The following KLHL32 variants were observed in gnomAD, a reference collection of about 807,000 sequenced individuals.
KLHL32 encodes the protein kelch-like protein 32.
In KLHL32, 35 loss-of-function variants were observed where a neutral mutation model predicts 64.8. The ratio of observed to expected loss-of-function variants is 0.54; its 90% CI spans 0.41 to 0.72. The LOEUF is 0.72. Among genes scored for constraint, KLHL32 ranks in the 30% least tolerant of loss-of-function variants. The probability of loss-of-function intolerance (pLI) is 0.00; values close to 1 mark genes in which losing one functional copy is unlikely to be tolerated. For missense variants in KLHL32, 589 were observed against 768.5 expected (o/e 0.77, Z 2.76); for synonymous variants, 259 against 281.0 (o/e 0.92, Z 0.78).
chr6:97,043,800 A>G (rs1737650), intron 4 of KLHL32, among the ~76,000 whole-genome samples: 17,766 of 151,982 alleles, frequency 0.12, 1,108 homozygotes, highest in African/African-American at 0.15. Context: ...CTGATGACTA[A>G]TGATGATGAA....
chr6:96,990,560 A>AG lies in KLHL32; in HGVS notation c.204+14383_204+14384insG, dbSNP rs1444291427. Among the ~76,000 whole-genome samples, 5 of 152,296 alleles carry AG rather than the reference A, an allele frequency of 3.3e-5. No homozygotes were observed. In the East Asian group the frequency reaches 7.7e-4, roughly 24 times the overall value. ...TTGGATTGGCACTCCCAGGGTGCAC[A>AG]CTGCAGCTCTGGGGTGAGCTCAGGC... On this transcript the variant is annotated intron_variant, in intron 3 of 10. Transcript: ENST00000369261.
intron 7 of KLHL32, among the ~76,000 whole-genome samples, chr6:97,115,221 G>T (rs1451460280): frequency 1.3e-5 from 2 of 152,122 alleles, no homozygotes; most frequent in African/African-American, 4.8e-5. Context: ...TCACTACATT[G>T]CCCAGGCTGC....
At chr6:97,097,140 A>G (rs1425901039) in intron 6 of KLHL32, among the ~76,000 whole-genome samples, 1 of 152,176 alleles carries the variant, frequency 6.6e-6, no homozygotes, top group Non-Finnish European at 1.5e-5. Context: ...CGCAAATTTA[A>G]GAGTAATTTC....
chr6:97,103,821 C>G (rs563875076), intron 6 of KLHL32, among the ~76,000 whole-genome samples: 2 of 152,322 alleles, frequency 1.3e-5, no homozygotes, highest in African/African-American at 4.8e-5. Context: ...ACTCTCTGTG[C>G]TACAGAAACC....
intron 3 of KLHL32, among the ~76,000 whole-genome samples, chr6:96,977,853 TA>T (rs1775878955): frequency 6.6e-6 from 1 of 152,182 alleles, no homozygotes; most frequent in African/African-American, 2.4e-5. Flanking sequence ...GTTTCTGAAA[TA>T]AAAAGTAGGG....
chr6:96,994,524 A>G, intron 3 of KLHL32: 1 of 985,382 alleles, frequency 1.0e-6, no homozygotes, highest in Non-Finnish European at 1.2e-6. Context: ...TTGAAGCTCA[A>G]GTAATTGTTG....
intron 2 of KLHL32, among the ~76,000 whole-genome samples, chr6:96,969,379 A>G (rs757444186): frequency 9.9e-5 from 15 of 152,052 alleles, no homozygotes; most frequent in Non-Finnish European, 1.8e-4. Context: ...GCTACTTTCT[A>G]CCAACCCATC....
chr6:96,974,705 T>C (rs73494829), intron 2 of KLHL32, among the ~76,000 whole-genome samples: 147 of 152,372 alleles, frequency 9.6e-4, no homozygotes, highest in African/African-American at 3.5e-3. Flanking sequence ...AATTTTAAGA[T>C]GGTGATTTGT....
intron 8 of KLHL32, 28 bp from the exon 9 acceptor site, chr6:97,130,729 C>T: frequency 2.5e-6 from 4 of 1,582,922 alleles, no homozygotes; most frequent in Non-Finnish European, 3.4e-6. Context: ...CTCCTACTAA[C>T]AGAATACACT....
intron 5 of KLHL32, among the ~76,000 whole-genome samples, chr6:97,073,362 T>A (rs1933464): frequency 6.6e-6 from 1 of 152,172 alleles, no homozygotes; most frequent in African/African-American, 2.4e-5. Flanking sequence ...GTCACTTTCT[T>A]TCTGCCTCTG....
chr6:96,962,477 C>A (rs1052966303), intron 1 of KLHL32, among the ~76,000 whole-genome samples: 26 of 152,168 alleles, frequency 1.7e-4, no homozygotes, highest in Non-Finnish European at 7.3e-5. Flanking sequence ...TGAGTCTTCA[C>A]CAGCTGTAAA....
chr6:96,980,644 G>C (rs1198321993), intron 3 of KLHL32, among the ~76,000 whole-genome samples: 2 of 152,098 alleles, frequency 1.3e-5, no homozygotes, highest in Non-Finnish European at 2.9e-5. Flanking sequence ...GTCTCTGCCA[G>C]GTTTTGGTAT....
chr6:96,974,179 A>C (rs1314406591), intron 2 of KLHL32, among the ~76,000 whole-genome samples: 1 of 152,188 alleles, frequency 6.6e-6, no homozygotes, highest in Non-Finnish European at 1.5e-5. Context: ...TGCAGATTAC[A>C]TGAACTAGTC....
chr6:97,071,634 T>C (rs1242710015), intron 5 of KLHL32, among the ~76,000 whole-genome samples: 1 of 152,096 alleles, frequency 6.6e-6, no homozygotes, highest in Non-Finnish European at 1.5e-5. Flanking sequence ...TTCCTCCTCA[T>C]CCTCCCTGTC....
rs79295179 is a variant in KLHL32, at chr6:96,991,240, G to A, written c.204+15063G>A. On this transcript the variant is annotated intron_variant, in intron 3 of 10. Coordinates refer to ENST00000369261, the MANE Select transcript of KLHL32 (RefSeq NM_052904.4). ...GTTGCCTCTGGGAGCCCCTCCCAGG[G>A]AAACTTAGAGCCACTAGCAGTGGAA... is the stretch of plus-strand genomic sequence containing the variant. 6.9e-3 allele frequency among the ~76,000 whole-genome samples: 1,045 copies of A among 152,132 alleles called. 5 individuals are homozygous for A. Among genetic ancestry groups the A allele is most frequent in the Non-Finnish European group, 0.011 (723 of 67,964 alleles).
chr6:96,900,493 G>A, the KLHL32 span, among the ~76,000 whole-genome samples: 17 of 152,218 alleles, frequency 1.1e-4, no homozygotes, highest in Non-Finnish European at 2.1e-4. Flanking sequence ...CTCAGCACAC[G>A]TGGTGGTATT....
At chr6:96,988,826 C>A (rs1387035959) in intron 3 of KLHL32, among the ~76,000 whole-genome samples, 1 of 152,174 alleles carries the variant, frequency 6.6e-6, no homozygotes, top group South Asian at 2.1e-4. Flanking sequence ...AAGATGGAAA[C>A]CATCATTCTC....
intron 1 of KLHL32, among the ~76,000 whole-genome samples, chr6:96,932,205 A>T (rs9487574): frequency 0.021 from 2,173 of 104,372 alleles, 36 homozygotes; most frequent in African/African-American, 0.043. Context: ...TGACTGGGTT[A>T]TTTTTTTTTT....
chr6:97,116,665 C>T (rs1267880719), intron 7 of KLHL32, among the ~76,000 whole-genome samples: 1 of 152,150 alleles, frequency 6.6e-6, no homozygotes, highest in Non-Finnish European at 1.5e-5. Context: ...AAAGATATGA[C>T]GATTTAATAC....
Sources: gnomAD v4.1 joint callset for allele counts (sites outside exome capture counted in the v4.1 genomes callset) on GRCh38, gnomAD v4.1.1 for gene constraint, MANE v1.5 for transcripts, NCBI Gene and HGNC (gene_info 2026-07-23, HGNC 2026-07-21) for gene names.